SLC44A5: variants seen among roughly 807,000 people sequenced by gnomAD.
SLC44A5 encodes the protein solute carrier family 44 member 5.
A neutral mutation model predicts 101.8 loss-of-function variants in SLC44A5; 57 were observed. That is an observed-to-expected ratio of 0.56 (90% CI 0.45 to 0.70). The LOEUF (loss-of-function observed/expected upper bound fraction) is 0.70. SLC44A5 is among the 30% of genes least tolerant of loss of function. The pLI is 0.00. For synonymous variants in SLC44A5, 281 were observed against 290.9 expected (o/e 0.97, Z 0.35); for missense variants, 737 against 853.1 (o/e 0.86, Z 1.70).
the SLC44A5 span, among the ~76,000 whole-genome samples, chr1:75,698,639 C>A: frequency 6.6e-6 from 1 of 152,334 alleles, no homozygotes; most frequent in East Asian, 1.9e-4. Context: ...AGCAATGGAA[C>A]AAAGCTGGAT....
chr1:75,218,441 C>T (rs781045637), intron 17 of SLC44A5, 49 bp downstream of exon 17: 10 of 1,601,814 alleles, frequency 6.2e-6, no homozygotes, highest in Non-Finnish European at 8.5e-6. Context: ...ATTACAAGCA[C>T]ACTAAATGTA....
intron 5 of SLC44A5, among the ~76,000 whole-genome samples, chr1:75,289,839 A>G (rs781780643): frequency 2.0e-5 from 3 of 152,236 alleles, no homozygotes; most frequent in Non-Finnish European, 4.4e-5. Context: ...ATAGAGGCCA[A>G]TGATTTGGCT....
At chr1:75,432,398 T>C (rs985589218) in intron 2 of SLC44A5, among the ~76,000 whole-genome samples, 1 of 152,214 alleles carries the variant, frequency 6.6e-6, no homozygotes, top group African/African-American at 2.4e-5. Context: ...GGGTCTCTTC[T>C]GCAAGACTAG....
At position 75,469,560 on chromosome 1, in the gene SLC44A5, G is replaced by A. The variant is rs1441922088; in HGVS notation, c.13+71875C>T. ...ACTTAGGGGAAAAAATCACTAAAAT[G>A]GTACGGCGTATAATGGAATAAAAAT... is the stretch of plus-strand genomic sequence containing the variant. On this transcript the variant is annotated intron_variant, in intron 2 of 23. Transcript: ENST00000370859. Among the ~76,000 whole-genome samples, 3 of 151,590 alleles carry A rather than the reference G, an allele frequency of 2.0e-5. No individual in the cohort carries two copies. The East Asian group carries it at 5.8e-4, about 30-fold the overall frequency.
chr1:75,330,932 C>A (rs1338156516), intron 4 of SLC44A5, among the ~76,000 whole-genome samples: 1 of 151,078 alleles, frequency 6.6e-6, no homozygotes, highest in East Asian at 2.0e-4. Context: ...CACAACAGAA[C>A]AAAAACCCAA....
rs1671355263 is a variant in SLC44A5 at position 75,541,511 on chromosome 1, AAG to A, written c.-66_-65del. On this transcript the variant is annotated 5_prime_UTR_variant, in exon 2 of 24. Transcript: ENST00000370859. ...CACTGCAAACTTGAGTTGCTTAGAA[AAG>A]AGTCTGTGATAAAAACAAGTATGAA... The A allele has an allele frequency of 1.3e-6, 2 of 1,597,802 alleles. No homozygotes were observed. Among genetic ancestry groups the A allele is most frequent in the Non-Finnish European group, 1.7e-6 (2 of 1,173,124 alleles).
intron 4 of SLC44A5, among the ~76,000 whole-genome samples, chr1:75,335,477 G>T (rs1397267985): frequency 1.3e-5 from 2 of 152,090 alleles, no homozygotes; most frequent in Non-Finnish European, 2.9e-5. Context: ...TCAGAACAAG[G>T]GGAATTGCAT....
chr1:75,679,888 T>G, the SLC44A5 span, among the ~76,000 whole-genome samples: 3 of 151,938 alleles, frequency 2.0e-5, no homozygotes, highest in Non-Finnish European at 2.9e-5. Flanking sequence ...CAGAGACACA[T>G]ATAGGCTCAA....
At chr1:75,372,110 T>C (rs1467073183) in intron 3 of SLC44A5, among the ~76,000 whole-genome samples, 2 of 151,110 alleles carry the variant, frequency 1.3e-5, no homozygotes, top group East Asian at 3.9e-4. Flanking sequence ...CACAGGAGAA[T>C]TGCTTGAACC....
chr1:75,406,353 C>T (rs1489605940), intron 2 of SLC44A5, among the ~76,000 whole-genome samples: 1 of 152,200 alleles, frequency 6.6e-6, no homozygotes. Context: ...TCCTCTGTAA[C>T]TCATTTTATG....
intron 5 of SLC44A5, among the ~76,000 whole-genome samples, chr1:75,293,988 T>C (rs893213384): frequency 1.3e-5 from 2 of 152,166 alleles, no homozygotes; most frequent in Non-Finnish European, 2.9e-5. Context: ...AAAAGGACAT[T>C]TAATACTAAT....
intron 1 of SLC44A5, among the ~76,000 whole-genome samples, chr1:75,574,357 C>T (rs1673251139): frequency 6.6e-6 from 1 of 152,142 alleles, no homozygotes; most frequent in Non-Finnish European, 1.5e-5. Context: ...CTGACTTAAG[C>T]AAGAATGACC....
intron 5 of SLC44A5, among the ~76,000 whole-genome samples, chr1:75,283,543 GT>G (rs1215611709): frequency 6.6e-6 from 1 of 151,976 alleles, no homozygotes; most frequent in Non-Finnish European, 1.5e-5. Flanking sequence ...ACATTTGCTT[GT>G]GGGTTCTTGG....
At chr1:75,313,376 A>C (rs746300342) in intron 4 of SLC44A5, among the ~76,000 whole-genome samples, 30 of 152,158 alleles carry the variant, frequency 2.0e-4, no homozygotes, top group African/African-American at 6.8e-4. Context: ...AAACTATTTC[A>C]CTTTTTTATT....
intron 1 of SLC44A5, among the ~76,000 whole-genome samples, chr1:75,585,224 C>T (rs1228415541): frequency 6.6e-6 from 1 of 152,168 alleles, no homozygotes; most frequent in Middle Eastern, 3.2e-3. Context: ...TATTAGTTTT[C>T]TCTCTCTTTA....
intron 2 of SLC44A5, among the ~76,000 whole-genome samples, chr1:75,458,817 C>G (rs1232562705): frequency 6.6e-6 from 1 of 152,080 alleles, no homozygotes; most frequent in Non-Finnish European, 1.5e-5. Context: ...TAACCCAATG[C>G]CTTCACAAAG....
chr1:75,571,473 T>G (rs759383539), intron 1 of SLC44A5, among the ~76,000 whole-genome samples: 13 of 152,192 alleles, frequency 8.5e-5, no homozygotes, highest in Admixed American at 2.6e-4. Flanking sequence ...TTTGCCATGC[T>G]GTGAAAGTGA....
chr1:75,265,110 T>C (rs1650881815), intron 6 of SLC44A5, among the ~76,000 whole-genome samples: 1 of 152,176 alleles, frequency 6.6e-6, no homozygotes, highest in African/African-American at 2.4e-5. Flanking sequence ...GGATCAGTGA[T>C]ACAAAGTTTC....
At chr1:75,323,664 A>T (rs1570675354) in intron 4 of SLC44A5, among the ~76,000 whole-genome samples, 2 of 152,306 alleles carry the variant, frequency 1.3e-5, no homozygotes, top group East Asian at 3.9e-4. Context: ...ATTCTTTTAA[A>T]TTCTATGGTT....
Sources: gnomAD v4.1 joint callset for allele counts (sites outside exome capture counted in the v4.1 genomes callset) on GRCh38, gnomAD v4.1.1 for gene constraint, MANE v1.5 for transcripts, NCBI Gene and HGNC (gene_info 2026-07-23, HGNC 2026-07-21) for gene names.